CDH8: variants seen among roughly 807,000 people sequenced by gnomAD.
CDH8 encodes the protein cadherin 8.
In CDH8, 17 loss-of-function variants were observed where a neutral mutation model predicts 68.1. The ratio of observed to expected loss-of-function variants is 0.25; its 90% confidence interval spans 0.17 to 0.37. The LOEUF is 0.37. Ranked by LOEUF, CDH8 falls within the 10% of genes least tolerant of loss-of-function variation. The pLI is 1.00. For missense variants in CDH8, 763 were observed against 999.3 expected, an observed-to-expected ratio of 0.76 and a Z score of 3.19; for synonymous variants, 372 against 365.1, an observed-to-expected ratio of 1.02 and a Z score of -0.21.
chr16:61,656,541 A>G (rs896322362), intron 10 of CDH8, among the ~76,000 whole-genome samples: 52 of 152,314 alleles, frequency 3.4e-4, no homozygotes, highest in African/African-American at 1.2e-3. Flanking sequence ...TTCATGGCCT[A>G]GAGCATTCAC....
intron 4 of CDH8, among the ~76,000 whole-genome samples, chr16:61,827,763 A>C (rs932525910): frequency 6.6e-6 from 1 of 151,830 alleles, no homozygotes; most frequent in Non-Finnish European, 1.5e-5. Context: ...CCTAAGATGC[A>C]TATACAGTTG....
At chr16:61,968,104 C>T (rs568062718) in intron 2 of CDH8, among the ~76,000 whole-genome samples, 2 of 152,098 alleles carry the variant, frequency 1.3e-5, no homozygotes, top group Non-Finnish European at 2.9e-5. Context: ...CCGGGCTGGG[C>T]CTAGAGATCA....
At chr16:61,813,243 T>C (rs1036503213) in intron 7 of CDH8, among the ~76,000 whole-genome samples, 2 of 152,174 alleles carry the variant, frequency 1.3e-5, no homozygotes, top group African/African-American at 4.8e-5. Flanking sequence ...CTAAAGCTTA[T>C]AGGCCCAGTT....
At chr16:61,859,495 CAGTTAAAG>C (rs1360974798) in intron 3 of CDH8, among the ~76,000 whole-genome samples, 1 of 152,076 alleles carries the variant, frequency 6.6e-6, no homozygotes, top group African/African-American at 2.4e-5. Context: ...GAAGAAATTT[CAGTTAAAG>C]AGCAAACCCA....
At chr16:61,823,355 T>C (rs570373458) in intron 5 of CDH8, among the ~76,000 whole-genome samples, 1 of 151,974 alleles carries the variant, frequency 6.6e-6, no homozygotes, top group East Asian at 2.0e-4. Flanking sequence ...CTATGGTGTT[T>C]TCTATACCAA....
intron 7 of CDH8, among the ~76,000 whole-genome samples, chr16:61,801,849 A>C (rs1961649121): frequency 6.6e-6 from 1 of 152,112 alleles, no homozygotes; most frequent in African/African-American, 2.4e-5. Context: ...CTAGCACAGC[A>C]GTCTGAGATC....
intron 2 of CDH8, among the ~76,000 whole-genome samples, chr16:61,997,001 A>ATGTGTG (rs539962151): frequency 1.2e-5 from 1 of 86,172 alleles, no homozygotes; most frequent in Non-Finnish European, 2.7e-5. Context: ...TATTGTGTGT[A>ATGTGTG]TGTGTGTGTG....
At chr16:61,743,808 C>T (rs1959942981) in intron 8 of CDH8, among the ~76,000 whole-genome samples, 2 of 152,136 alleles carry the variant, frequency 1.3e-5, no homozygotes, top group South Asian at 4.1e-4. Context: ...CCTGTAGGCA[C>T]TCTGTTAACT....
At chr16:61,881,902 G>A (rs1481189822) in intron 3 of CDH8, among the ~76,000 whole-genome samples, 1 of 152,122 alleles carries the variant, frequency 6.6e-6, no homozygotes, top group Non-Finnish European at 1.5e-5. Flanking sequence ...TATTCTCTAA[G>A]CTGTCCTAAG....
At chr16:62,022,522 G>A (rs7500630) in intron 1 of CDH8, among the ~76,000 whole-genome samples, 3,388 of 152,176 alleles carry the variant, frequency 0.022, 67 homozygotes, top group Admixed American at 0.083. Flanking sequence ...TACCCTCAGC[G>A]TGGCAAAATG....
At chr16:62,003,758 C>T (rs1965931019) in intron 2 of CDH8, among the ~76,000 whole-genome samples, 1 of 152,140 alleles carries the variant, frequency 6.6e-6, no homozygotes, top group Non-Finnish European at 1.5e-5. Flanking sequence ...TTGCATGCGA[C>T]ATTTTGAAAT....
intron 8 of CDH8, among the ~76,000 whole-genome samples, chr16:61,736,418 T>A (rs931271143): frequency 6.6e-6 from 1 of 152,150 alleles, no homozygotes; most frequent in Admixed American, 6.6e-5. Context: ...ATTTCTTTTT[T>A]AAAAATTAGC....
intron 8 of CDH8, among the ~76,000 whole-genome samples, chr16:61,756,345 C>A (rs543991728): frequency 6.6e-6 from 1 of 152,188 alleles, no homozygotes; most frequent in East Asian, 1.9e-4. Context: ...TACAAATTTA[C>A]TTTATGAAAC....
intron 2 of CDH8, among the ~76,000 whole-genome samples, chr16:61,980,460 G>C (rs1469952346): frequency 1.3e-5 from 2 of 151,918 alleles, no homozygotes; most frequent in Non-Finnish European, 2.9e-5. Context: ...TATCATCATA[G>C]TATCATCATA....
chr16:61,801,871 C>T (rs549961783), intron 7 of CDH8, among the ~76,000 whole-genome samples: 1 of 151,794 alleles, frequency 6.6e-6, no homozygotes, highest in South Asian at 2.1e-4. Context: ...AACTGCAAGG[C>T]GGCAGCGAGG....
chr16:62,007,550 C>T (rs546016235), intron 2 of CDH8, among the ~76,000 whole-genome samples: 328 of 152,184 alleles, frequency 2.2e-3, no homozygotes, highest in African/African-American at 7.5e-3. Context: ...CTCAGCTATT[C>T]GGCAAACGTC....
intron 2 of CDH8, among the ~76,000 whole-genome samples, chr16:61,926,027 G>C (rs1180614545): frequency 6.6e-6 from 1 of 152,026 alleles, no homozygotes; most frequent in Admixed American, 6.6e-5. Context: ...CCTTCACAAG[G>C]TTGTTTCTTT....
chr16:61,713,436 G>C (rs1368538610), intron 10 of CDH8, among the ~76,000 whole-genome samples: 1 of 151,498 alleles, frequency 6.6e-6, no homozygotes, highest in African/African-American at 2.4e-5. Context: ...TCACAAACCA[G>C]GCAAAATTAG....
intron 3 of CDH8, among the ~76,000 whole-genome samples, chr16:61,864,702 T>C (rs1185763557): frequency 6.6e-6 from 1 of 152,130 alleles, no homozygotes; most frequent in Non-Finnish European, 1.5e-5. Flanking sequence ...ACCCTGGATA[T>C]GGAGATTTCA....
Sources: allele counts gnomAD v4.1 joint callset (sites outside exome capture counted in the v4.1 genomes callset), GRCh38; gene constraint gnomAD v4.1.1; transcripts MANE v1.5; gene names NCBI Gene and HGNC (gene_info 2026-07-23, HGNC 2026-07-21).